TOX: variants seen among roughly 807,000 people sequenced by gnomAD.
TOX encodes thymocyte selection associated high mobility group box, also known as thymocyte selection-associated high mobility group box protein TOX.
In TOX, 11 loss-of-function variants were observed where a neutral mutation model predicts 53.7. That is an observed-to-expected ratio of 0.20 (90% CI 0.13 to 0.34). The LOEUF (loss-of-function observed/expected upper bound fraction) is 0.34, where lower values mean the gene tolerates loss of function less well. Among genes scored for constraint, TOX ranks in the 10% least tolerant of loss-of-function variants. TOX has a pLI of 1.00. For synonymous variants in TOX, 225 were observed against 245.3 expected, an observed-to-expected ratio of 0.92 and a Z score of 0.77; for missense variants, 570 against 664.6, an observed-to-expected ratio of 0.86 and a Z score of 1.56.
At chr8:58,970,190 TAAGA>T (rs1252467377) in intron 1 of TOX, among the ~76,000 whole-genome samples, 2 of 152,182 alleles carry the variant, frequency 1.3e-5, no homozygotes, top group African/African-American at 4.8e-5. Flanking sequence ...GTTTTACCAG[TAAGA>T]AAACTGAGTC....
intron 1 of TOX, among the ~76,000 whole-genome samples, chr8:59,110,012 A>C (rs1328539425): frequency 2.0e-5 from 3 of 152,172 alleles, no homozygotes; most frequent in Non-Finnish European, 4.4e-5. Context: ...TTAAAAGATT[A>C]GTTTTGCAGT....
chr8:58,880,716 C>T (rs1249218002), intron 3 of TOX, among the ~76,000 whole-genome samples: 1 of 152,132 alleles, frequency 6.6e-6, no homozygotes, highest in Non-Finnish European at 1.5e-5. Flanking sequence ...AAAGGACTTA[C>T]GTATACCTAA....
intron 3 of TOX, among the ~76,000 whole-genome samples, chr8:58,900,452 A>G (rs1395027570): frequency 1.3e-5 from 2 of 152,186 alleles, no homozygotes; most frequent in Non-Finnish European, 2.9e-5. Flanking sequence ...GTAGCCAAAA[A>G]AAATCATAAC....
intron 3 of TOX, among the ~76,000 whole-genome samples, chr8:58,884,773 G>A (rs867599845): frequency 1.1e-4 from 17 of 152,182 alleles, no homozygotes; most frequent in South Asian, 4.1e-4. Context: ...GATTCATCAT[G>A]ACCCTTGCTT....
intron 4 of TOX, among the ~76,000 whole-genome samples, chr8:58,846,551 T>C (rs1810722062): frequency 6.6e-6 from 1 of 152,164 alleles, no homozygotes; most frequent in African/African-American, 2.4e-5. Context: ...CTCTAAAGGC[T>C]TATTTAATTG....
rs1554539851 is a variant in TOX at position 59,021,499 on chromosome 8, T to TATATATATATACAC, written c.103-61492_103-61491insGTGTATATATATAT. ...AAAAAAAAATATATATATATATATA[T>TATATATATATACAC]GCACATATATACAATGTCAGATATA... On this transcript the variant is annotated intron_variant, in intron 1 of 8. Transcript: ENST00000361421. 7.6e-3 allele frequency among the ~76,000 whole-genome samples: 824 copies of TATATATATATACAC among 109,118 alleles called. 48 individuals are homozygous for TATATATATATACAC. Among genetic ancestry groups the TATATATATATACAC allele is most frequent in the Non-Finnish European group, 0.012 (614 of 49,862 alleles). The allele number at this position is 109,118 out of a possible 152,430, so 71.6% of individuals were successfully genotyped here.
chr8:58,879,235 T>C (rs866714626), intron 3 of TOX, among the ~76,000 whole-genome samples: 4 of 152,278 alleles, frequency 2.6e-5, no homozygotes, highest in African/African-American at 7.2e-5. Context: ...ACAGAAACCA[T>C]ATTAGACTAC....
intron 1 of TOX, among the ~76,000 whole-genome samples, chr8:59,054,912 AAG>A (rs1227923719): frequency 7.6e-5 from 10 of 131,882 alleles, no homozygotes; most frequent in African/African-American, 2.3e-4. Context: ...AAAAGAAAGA[AAG>A]AGAAAGAAAG....
chr8:58,993,727 T>C (rs772744530), intron 1 of TOX, among the ~76,000 whole-genome samples: 2 of 152,166 alleles, frequency 1.3e-5, no homozygotes, highest in African/African-American at 2.4e-5. Context: ...AACCTGACTA[T>C]TCCTTTAAAA....
At chr8:58,864,282 T>C (rs1483824264) in intron 3 of TOX, among the ~76,000 whole-genome samples, 1 of 152,200 alleles carries the variant, frequency 6.6e-6, no homozygotes, top group East Asian at 1.9e-4. Context: ...GAATTAGCAA[T>C]GTGATTCTTA....
At chr8:59,025,757 T>G (rs1814224085) in intron 1 of TOX, among the ~76,000 whole-genome samples, 1 of 152,132 alleles carries the variant, frequency 6.6e-6, no homozygotes. Context: ...TTCGCTTACC[T>G]GCATTCCCCT....
chr8:58,991,242 T>C (rs182331763), intron 1 of TOX, among the ~76,000 whole-genome samples: 2 of 152,316 alleles, frequency 1.3e-5, no homozygotes, highest in African/African-American at 2.4e-5. Flanking sequence ...GCAATTCAAA[T>C]TATCCTATTT....
chr8:59,008,176 G>C (rs1813827308), intron 1 of TOX, among the ~76,000 whole-genome samples: 1 of 152,180 alleles, frequency 6.6e-6, no homozygotes, highest in South Asian at 2.1e-4. Flanking sequence ...GTTGGTAAAA[G>C]ACTGCCCAAA....
At chr8:58,951,520 G>C (rs1340650763) in intron 2 of TOX, among the ~76,000 whole-genome samples, 4 of 146,924 alleles carry the variant, frequency 2.7e-5, no homozygotes, top group Admixed American at 6.9e-5. Context: ...GGGAAGTCCA[G>C]GCTTCCTTGA....
In TOX at chr8:58,906,406, A is replaced by G. The variant is rs142905203; in HGVS notation, c.411+32896T>C. On this transcript the variant is annotated intron_variant, in intron 3 of 8. Coordinates refer to ENST00000361421, the MANE Select transcript of TOX (RefSeq NM_014729.3). Reference sequence around the variant, plus strand: ...AAGGGATGCTGAAGCATCAGATGTAAATTGCTGTTTGCTGAAGAATTTTAA... The same window carrying G: ...AAGGGATGCTGAAGCATCAGATGTAGATTGCTGTTTGCTGAAGAATTTTAA... 4.9e-3 allele frequency among the ~76,000 whole-genome samples: 742 copies of G among 152,326 alleles called. 6 individuals are homozygous for G. Among genetic ancestry groups the G allele is most frequent in the African/African-American group, 0.017 (714 of 41,564 alleles).
intron 1 of TOX, among the ~76,000 whole-genome samples, chr8:59,099,226 T>C (rs2129424269): frequency 6.6e-6 from 1 of 152,278 alleles, no homozygotes; most frequent in South Asian, 2.1e-4. Flanking sequence ...TTAGAGGTGA[T>C]CAAGCCCCTC....
intron 6 of TOX, among the ~76,000 whole-genome samples, chr8:58,825,188 AG>A (rs1810346070): frequency 6.6e-6 from 1 of 152,124 alleles, no homozygotes; most frequent in Non-Finnish European, 1.5e-5. Context: ...ACAACATTGG[AG>A]GGTCATTTTT....
rs777264843 is a variant in TOX, at chr8:58,841,977, A to G, written c.694-3666T>C. Among the ~76,000 whole-genome samples the G allele has an allele frequency of 3.9e-4, 59 of 152,256 alleles. 1 individual carries two copies. The highest frequency in any genetic ancestry group is 6.9e-4 in the Non-Finnish European group (47 of 68,038). On this transcript the variant is annotated intron_variant, in intron 4 of 8. Coordinates refer to ENST00000361421, the MANE Select transcript of TOX (RefSeq NM_014729.3). ...TGAAATCTCCATGATTACAGATTAT[A>G]TCAATCTTTCTGGAAAATAATCAAA...
chr8:58,877,493 C>T (rs1051553799), intron 3 of TOX, among the ~76,000 whole-genome samples: 1 of 152,194 alleles, frequency 6.6e-6, no homozygotes, highest in Non-Finnish European at 1.5e-5. Context: ...TTCACTTTCT[C>T]GATCTTGTGA....
Sources: gnomAD v4.1 joint callset for allele counts (sites outside exome capture counted in the v4.1 genomes callset) on GRCh38, gnomAD v4.1.1 for gene constraint, MANE v1.5 for transcripts, NCBI Gene and HGNC (gene_info 2026-07-23, HGNC 2026-07-21) for gene names.